WWOX: variants seen among roughly 807,000 people sequenced by gnomAD.
The protein encoded by WWOX is WW domain containing oxidoreductase, also known as WW domain-containing oxidoreductase.
A neutral mutation model predicts 46.2 loss-of-function variants in WWOX; 69 were observed. The ratio of observed to expected loss-of-function variants is 1.49; its 90% CI spans 1.23 to 1.82. The LOEUF is 1.82. WWOX is among the 40% of genes most tolerant of loss of function. The pLI is 0.00. For synonymous variants in WWOX, 359 were observed against 202.6 expected (o/e 1.77, Z -6.56); for missense variants, 919 against 542.6 (o/e 1.69, Z -6.89).
chr16:78,840,372 T>C (rs7194133), intron 8 of WWOX, among the ~76,000 whole-genome samples: 125,927 of 152,064 alleles, frequency 0.83, 52,652 homozygotes, highest in Middle Eastern at 0.9. Context: ...GTAAGGCCAC[T>C]GTACGTCTGT....
At chr16:79,149,353 A>G (rs1172081684) in intron 8 of WWOX, among the ~76,000 whole-genome samples, 2 of 152,200 alleles carry the variant, frequency 1.3e-5, no homozygotes, top group Admixed American at 6.5e-5. Flanking sequence ...TAAATATTGA[A>G]CCAGCCTTGA....
chr16:78,166,065 A>G (rs1223511152), intron 5 of WWOX, among the ~76,000 whole-genome samples: 1 of 152,214 alleles, frequency 6.6e-6, no homozygotes. Context: ...ATGAAATGTG[A>G]AAGTCGTTCT....
chr16:78,724,250 G>C (rs995299791), intron 8 of WWOX, among the ~76,000 whole-genome samples: 1 of 152,094 alleles, frequency 6.6e-6, no homozygotes, highest in Non-Finnish European at 1.5e-5. Context: ...AGGGCCTCTG[G>C]TTACCAGCAA....
intron 8 of WWOX, among the ~76,000 whole-genome samples, chr16:79,181,173 G>A (rs1393523114): frequency 6.6e-6 from 1 of 152,194 alleles, no homozygotes; most frequent in Non-Finnish European, 1.5e-5. Context: ...CACTATAGGA[G>A]TGGAATGTAT....
At chr16:79,113,402 C>T (rs945318923) in intron 8 of WWOX, among the ~76,000 whole-genome samples, 6 of 152,200 alleles carry the variant, frequency 3.9e-5, no homozygotes, top group South Asian at 4.1e-4. Flanking sequence ...CCTCATCTGT[C>T]GTTGGTTGAG....
At chr16:79,016,238 A>G (rs911237290) in intron 8 of WWOX, 3 of 152,146 alleles carry the variant, frequency 2.0e-5, no homozygotes, top group Non-Finnish European at 1.5e-5. Flanking sequence ...GTACAATGAA[A>G]TCATTAGGGG....
intron 8 of WWOX, among the ~76,000 whole-genome samples, chr16:79,188,710 A>G (rs929243338): frequency 3.9e-5 from 6 of 152,216 alleles, no homozygotes; most frequent in Non-Finnish European, 8.8e-5. Flanking sequence ...CAAAGTCCTG[A>G]TGTTTAAATC....
chr16:78,823,166 G>C (rs1458012430), intron 8 of WWOX, among the ~76,000 whole-genome samples: 2 of 152,216 alleles, frequency 1.3e-5, no homozygotes, highest in African/African-American at 2.4e-5. Flanking sequence ...CAGCCCTGCT[G>C]CTGAGGTCAT....
chr16:78,336,441 C>G (rs191454850), intron 5 of WWOX, among the ~76,000 whole-genome samples: 4 of 137,168 alleles, frequency 2.9e-5, no homozygotes, highest in Non-Finnish European at 6.1e-5. Flanking sequence ...AGGAGGTGAA[C>G]GTTGCAGTGA....
intron 8 of WWOX, among the ~76,000 whole-genome samples, chr16:78,721,589 G>C (rs1293520458): frequency 6.6e-6 from 1 of 152,150 alleles, no homozygotes; most frequent in Non-Finnish European, 1.5e-5. Flanking sequence ...AACCACTTGT[G>C]TTAGAAATAT....
chr16:78,456,342 T>C (rs370931514), intron 8 of WWOX, among the ~76,000 whole-genome samples: 2 of 152,058 alleles, frequency 1.3e-5, no homozygotes, highest in East Asian at 1.9e-4. Flanking sequence ...GAGAAGAAAA[T>C]AGTCCTAATG....
At chr16:78,327,933 G>A (rs1020690039) in intron 5 of WWOX, among the ~76,000 whole-genome samples, 4 of 129,082 alleles carry the variant, frequency 3.1e-5, no homozygotes, top group African/African-American at 6.0e-5. Context: ...CTGGAGTACA[G>A]TTGTACAATC....
At chr16:78,104,456 A>G (rs1443485159) in intron 1 of WWOX, among the ~76,000 whole-genome samples, 1 of 152,094 alleles carries the variant, frequency 6.6e-6, no homozygotes, top group Non-Finnish European at 1.5e-5. Flanking sequence ...GTGGGCTATG[A>G]TTGCATCACT....
intron 5 of WWOX, among the ~76,000 whole-genome samples, chr16:78,351,068 A>T (rs1447938538): frequency 6.6e-6 from 1 of 152,208 alleles, no homozygotes; most frequent in Non-Finnish European, 1.5e-5. Flanking sequence ...ACATCTCTTC[A>T]TATGATTATT....
chr16:79,033,929 T>G (rs1452140800), intron 8 of WWOX, among the ~76,000 whole-genome samples: 1 of 152,216 alleles, frequency 6.6e-6, no homozygotes, highest in East Asian at 1.9e-4. Context: ...CTAGACCATG[T>G]CACAGGGATG....
chr16:78,458,700 A>G (rs929619500), intron 8 of WWOX, among the ~76,000 whole-genome samples: 4 of 152,230 alleles, frequency 2.6e-5, no homozygotes, highest in African/African-American at 9.6e-5. Flanking sequence ...TAGGGAAGAT[A>G]ATCTGACATT....
chr16:78,100,544 C>G (rs555283325), intron 1 of WWOX, among the ~76,000 whole-genome samples: 2 of 152,238 alleles, frequency 1.3e-5, no homozygotes, highest in Non-Finnish European at 2.9e-5. Context: ...AGCCACTGCG[C>G]CTAGCCAGGA....
At chr16:78,815,472 A>C (rs2051304938) in intron 8 of WWOX, among the ~76,000 whole-genome samples, 1 of 152,090 alleles carries the variant, frequency 6.6e-6, no homozygotes, top group Non-Finnish European at 1.5e-5. Flanking sequence ...CCTTTACTAA[A>C]CACTTCTTAC....
chr16:78,916,033 G>A (rs2045243030), intron 8 of WWOX, among the ~76,000 whole-genome samples: 2 of 152,292 alleles, frequency 1.3e-5, no homozygotes, highest in Admixed American at 1.3e-4. Context: ...AAGGGAATTT[G>A]GAACCATTGT....
Sources: allele counts gnomAD v4.1 joint callset (sites outside exome capture counted in the v4.1 genomes callset), GRCh38; gene constraint gnomAD v4.1.1; transcripts MANE v1.5; gene names NCBI Gene and HGNC (gene_info 2026-07-23, HGNC 2026-07-21).